CNTNAP1: variants seen among roughly 807,000 people sequenced by gnomAD.
The protein encoded by CNTNAP1 is contactin associated protein 1, also known as contactin-associated protein 1.
In CNTNAP1, 80 loss-of-function variants were observed where a neutral mutation model predicts 161.5. The observed-to-expected ratio is 0.50, with a 90% CI of 0.41 to 0.60. The LOEUF (loss-of-function observed/expected upper bound fraction) is 0.60, where lower values mean the gene tolerates loss of function less well. Among genes scored for constraint, CNTNAP1 ranks in the 20% least tolerant of loss-of-function variants. The pLI is 0.00. For synonymous variants in CNTNAP1, 695 were observed against 733.1 expected, an observed-to-expected ratio of 0.95 and a Z score of 0.84; for missense variants, 1,464 against 1,854.8, an observed-to-expected ratio of 0.79 and a Z score of 3.87.
chr17:42,697,494 A>G lies in CNTNAP1; in HGVS notation c.3569-60A>G, dbSNP rs535223270. The G allele has an allele frequency of 5.0e-6, 8 of 1,610,494 alleles. No homozygotes were observed. In the East Asian group the frequency reaches 1.6e-4, roughly 31 times the overall value. On this transcript the variant is annotated intron_variant, in intron 21 of 23. Transcript: ENST00000264638. ...AAGGATGAGTGGGAAACCTGTGGAC[A>G]GTGAGAGTGGCAGGGCCTTTGGGTC...
intron 18 of CNTNAP1, 52 bp downstream of exon 18, chr17:42,693,588 G>T: frequency 2.5e-6 from 4 of 1,590,490 alleles, no homozygotes; most frequent in Non-Finnish European, 3.4e-6. Flanking sequence ...GTAATGGGAT[G>T]TAGGGAGGGC....
chr17:42,682,611 G>C lies in CNTNAP1; in HGVS notation c.-219G>C. 5.1e-6 allele frequency: 3 copies of C among 592,454 alleles called. No individual in the cohort carries two copies. The highest frequency in any genetic ancestry group is 8.6e-4 in the Middle Eastern group (2 of 2,328). The allele number at this position is 592,454 out of a possible 1,614,324, so 36.7% of individuals were successfully genotyped here. A position where few individuals can be genotyped will look rare whatever the true frequency, so the allele number is the denominator to read the frequency against. ...GAGGGTGGAAAGGAGAGGATAGAGA[G>C]AGAAGAGCGGAGGACCAGGAACCAG... On this transcript the variant is annotated 5_prime_UTR_variant, in exon 1 of 24. Transcript: ENST00000264638.
In CNTNAP1 at chr17:42,687,150, C is replaced by T; in HGVS notation, c.1044+104C>T. On this transcript the variant is annotated intron_variant, in intron 7 of 23. Transcript: ENST00000264638. This position sits in a 1 kb window ranked among gnomAD's most constrained non-coding sequence, Gnocchi z 4.7. ...TGAACATCAGATAAAAGCGGAGAAT[C>T]CCTCTGTCCCCAGCCAGATGCTCAA... is the stretch of plus-strand genomic sequence containing the variant. 1 of 1,467,938 alleles carries T rather than the reference C, an allele frequency of 6.8e-7. No homozygotes were observed. The highest frequency in any genetic ancestry group is 9.2e-7 in the Non-Finnish European group (1 of 1,085,106). The allele number at this position is 1,467,938 out of a possible 1,614,324, so 90.9% of individuals were successfully genotyped here.
At position 42,695,782 on chromosome 17, in the gene CNTNAP1, C is replaced by G; in HGVS notation, c.3254C>G (p.Ser1085Cys). ...TACAACGTTACGGGAGAGGAGGTCT[C>G]CTTCAGCTTCAGCACCAGCTCCGCC... is the stretch of plus-strand genomic sequence containing the variant. ...PVYNVTGEEVSFSFSTSSAPA... is the reference protein window; with the variant it reads ...PVYNVTGEEVCFSFSTSSAPA... The change falls in exon 19 of 24, where the codon TCC becomes TGC. Residue 1085 changes from serine to cysteine, a missense_variant. Around this residue, in one of 3 missense-constraint regions of CNTNAP1, gnomAD observed 1,383 missense variants for 1,765.0 expected, o/e 0.78. Transcript: ENST00000264638. 6.2e-7 allele frequency: 1 copy of G among 1,614,206 alleles called. No individual in the cohort carries two copies. Among genetic ancestry groups the G allele is most frequent in the Non-Finnish European group, 8.5e-7 (1 of 1,180,040 alleles).
intron 17 of CNTNAP1, among the ~76,000 whole-genome samples, chr17:42,693,043 G>A (rs969989976): frequency 3.4e-4 from 51 of 150,154 alleles, no homozygotes; most frequent in Non-Finnish European, 3.4e-4. Flanking sequence ...TGCAAGCTCC[G>A]CCTCCTGGGT....
chr17:42,689,507 G>C lies in CNTNAP1; in HGVS notation c.1629-14G>C, dbSNP rs1253509425. ...CAGTAAGGCTCCTTCCCTTGGTCCT[G>C]ACCCCTTCCCTAGGTGCAGCCCTAA... On this transcript the variant is annotated splice_polypyrimidine_tract_variant and intron_variant, in intron 10 of 23. Coordinates refer to ENST00000264638, the MANE Select transcript of CNTNAP1 (RefSeq NM_003632.3). 6.2e-7 allele frequency: 1 copy of C among 1,608,384 alleles called. No homozygotes were observed. The highest frequency in any genetic ancestry group is 1.1e-5 in the South Asian group (1 of 90,588).
chr17:42,696,029 C>T lies in CNTNAP1; in HGVS notation c.3351C>T (p.Thr1117=), dbSNP rs35750567. 2 of 1,614,088 alleles carry T rather than the reference C, an allele frequency of 1.2e-6. No homozygotes were observed. Among genetic ancestry groups the T allele is most frequent in the African/African-American group, 1.3e-5 (1 of 75,002 alleles). Reference sequence around the variant, plus strand: ...TTTCTTCTCCCCACCCCACAGGGACCCTTCAGCTGCGATATCAGCTGGGCA... The same window carrying T: ...TTTCTTCTCCCCACCCCACAGGGACTCTTCAGCTGCGATATCAGCTGGGCA... ...YMAVLIKDDG[T]LQLRYQLGTS... Residue 1117 remains threonine, a synonymous_variant, in exon 20 of 24, where the codon ACC becomes ACT. Transcript: ENST00000264638.
chr17:42,686,748 G>T (rs918792030), intron 6 of CNTNAP1, among the ~76,000 whole-genome samples, 155 bp from the exon 7 acceptor site: 1 of 152,246 alleles, frequency 6.6e-6, no homozygotes, highest in East Asian at 1.9e-4. Flanking sequence ...GCCTTGAAAG[G>T]CCTAGCGAGC....
At position 42,691,508 on chromosome 17, in the gene CNTNAP1, G is replaced by A. The variant is rs764798398; in HGVS notation, c.2341G>A (p.Asp781Asn). The change falls in exon 15 of 24, where the codon GAT becomes AAT. Residue 781 changes from aspartate (D) to asparagine (N), a missense_variant. Transcript: ENST00000264638. This position sits in a 1 kb window ranked among gnomAD's most constrained non-coding sequence, Gnocchi z 4.3. ...CCTGAGGCCTCTGCGCTGCTATGGC[G>A]ATCGTGAGTGGCAGTCCCCTTTTGT... Reference protein sequence around the residue: ...FFLRPLRCYGDRNSWNTISFH... With the variant: ...FFLRPLRCYGNRNSWNTISFH... 1.2e-5 allele frequency: 20 copies of A among 1,613,774 alleles called. No homozygotes were observed. Among genetic ancestry groups the A allele is most frequent in the South Asian group, 2.2e-5 (2 of 91,038 alleles).
rs942894105 is a variant in CNTNAP1, at chr17:42,687,504, G to A, written c.1045-216G>A. On this transcript the variant is annotated intron_variant, in intron 7 of 23. Coordinates refer to ENST00000264638, the MANE Select transcript of CNTNAP1 (RefSeq NM_003632.3). This position sits in a 1 kb window ranked among gnomAD's most constrained non-coding sequence, Gnocchi z 4.7. ...TCGCAGACGGTGGAGATCAGCGAGA[G>A]CAAGCGAGCAGAGTTCCGAGGGCCG... is the stretch of plus-strand genomic sequence containing the variant. 9.8e-6 allele frequency: 6 copies of A among 610,094 alleles called. No homozygotes were observed. Among genetic ancestry groups the A allele is most frequent in the African/African-American group, 9.3e-5 (5 of 53,960 alleles). The allele number at this position is 610,094 out of a possible 1,614,324, so 37.8% of individuals were successfully genotyped here. A position where few individuals can be genotyped will look rare whatever the true frequency, so the allele number is the denominator to read the frequency against.
intron 1 of CNTNAP1, 95 bp downstream of exon 1, chr17:42,682,991 T>G: frequency 8.3e-7 from 1 of 1,201,790 alleles, no homozygotes; most frequent in Non-Finnish European, 1.1e-6. Flanking sequence ...TGGTCGCGGG[T>G]CCTTCCCGGC....
chr17:42,695,032 C>T (rs924349605), intron 18 of CNTNAP1, among the ~76,000 whole-genome samples: 16 of 152,188 alleles, frequency 1.1e-4, no homozygotes, highest in Admixed American at 8.5e-4. Context: ...GCAACCTCTG[C>T]CCCCTGGGCT....
Position 42,691,706 on chromosome 17 carries a change from CT to C in CNTNAP1, c.2345-99del. 4 of 1,396,220 alleles carry C rather than the reference CT, an allele frequency of 2.9e-6. No individual in the cohort carries two copies. The South Asian group carries it at 5.0e-5, about 18-fold the overall frequency. The allele number at this position is 1,396,220 out of a possible 1,614,324, so 86.5% of individuals were successfully genotyped here. ...AGTCTCCCCTCCGTCACCTCAAACCCTCCCCCTTTGCCCAACCTTCCCTGCC... is the reference window on the plus strand; with the variant it reads ...AGTCTCCCCTCCGTCACCTCAAACCCCCCCCTTTGCCCAACCTTCCCTGCC... On this transcript the variant is annotated intron_variant, in intron 15 of 23. Transcript: ENST00000264638. This position sits in a 1 kb window ranked among gnomAD's most constrained non-coding sequence, Gnocchi z 4.3.
chr17:42,695,129 T>G (rs997515067), intron 18 of CNTNAP1, among the ~76,000 whole-genome samples: 1 of 152,136 alleles, frequency 6.6e-6, no homozygotes, highest in African/African-American at 2.4e-5. Flanking sequence ...GTATTTTTAG[T>G]AGAGATGGGG....
Position 42,693,549 on chromosome 17 carries a change from G to T in CNTNAP1, c.2992+13G>T, listed in dbSNP as rs2053118993. 3.7e-6 allele frequency: 6 copies of T among 1,609,780 alleles called. No individual in the cohort carries two copies. The highest frequency in any genetic ancestry group is 5.1e-6 in the Non-Finnish European group (6 of 1,176,282). ...TACTGCAACCACGGTAAGTGCTGCT[G>T]GTTATGGGGCAACAGGGAGCCATAG... is the stretch of plus-strand genomic sequence containing the variant. On this transcript the variant is annotated intron_variant, in intron 18 of 23. Coordinates refer to ENST00000264638, the MANE Select transcript of CNTNAP1 (RefSeq NM_003632.3).
chr17:42,689,185 T>C, intron 10 of CNTNAP1, 138 bp downstream of exon 10: 2 of 840,808 alleles, frequency 2.4e-6, no homozygotes, highest in Non-Finnish European at 3.6e-6. Context: ...GATTCTTCTT[T>C]GATCTCTTAC....
In CNTNAP1 at chr17:42,698,823, C is replaced by T; in HGVS notation, c.4068C>T (p.Ala1356=). The T allele has an allele frequency of 6.2e-7, 1 of 1,603,122 alleles. No individual in the cohort carries two copies. The highest frequency in any genetic ancestry group is 8.5e-7 in the Non-Finnish European group (1 of 1,178,824). Reference sequence around the variant, plus strand: ...CTCCCAACCAAGCTCCAGCCTCAGCCCCAGCCCCAGCCCCAACTCCAGCCC... The same window carrying T: ...CTCCCAACCAAGCTCCAGCCTCAGCTCCAGCCCCAGCCCCAACTCCAGCCC... ...TAAPNQAPAS[A]PAPAPTPAPA... Residue 1356 remains alanine (A), a synonymous_variant, in exon 24 of 24, where the codon GCC becomes GCT. Coordinates refer to ENST00000264638, the MANE Select transcript of CNTNAP1 (RefSeq NM_003632.3).
At chr17:42,684,912 G>T in intron 3 of CNTNAP1, 79 bp from the exon 4 acceptor site, 1 of 1,498,726 alleles carries the variant, frequency 6.7e-7, no homozygotes, top group South Asian at 1.3e-5. Context: ...GCGACAGAGC[G>T]AGACTCTGTC....
Position 42,699,169 on chromosome 17 carries a change from A to G in CNTNAP1, c.*259A>G. On this transcript the variant is annotated 3_prime_UTR_variant, in exon 24 of 24. Coordinates refer to ENST00000264638, the MANE Select transcript of CNTNAP1 (RefSeq NM_003632.3). ...TGGCTGTTTATCTGCCCCAAAGGAG[A>G]AGCCTCATGGGGTTGACATAGGTCC... The G allele has an allele frequency of 2.4e-6, 1 of 417,114 alleles. No homozygotes were observed. 25.8% of individuals were successfully genotyped at this position (417,114 alleles called of 1,614,324 possible).
Sources: gnomAD v4.1 joint callset for allele counts (sites outside exome capture counted in the v4.1 genomes callset) on GRCh38, gnomAD v4.1.1 for gene constraint, gnomAD v4.1.1 regional missense constraint, Gnocchi (gnomAD v3.1) non-coding constraint, MANE v1.5 for transcripts, NCBI Gene and HGNC (gene_info 2026-07-23, HGNC 2026-07-21) for gene names.